Variants in ASXL3 observed in about 807,000 individuals in gnomAD.
ASXL3 encodes putative Polycomb group protein ASXL3.
Under a neutral mutation model 170.6 loss-of-function variants are expected in ASXL3, and 34 were observed. The ratio of observed to expected loss-of-function variants is 0.20; its 90% CI spans 0.15 to 0.27. The LOEUF is 0.27. ASXL3 is among the 10% of genes least tolerant of loss of function. The pLI is 1.00. For missense variants in ASXL3, 2,592 were observed against 2,695.3 expected (o/e 0.96, Z 0.85); for synonymous variants, 1,002 against 989.1 (o/e 1.01, Z -0.24).
intron 8 of ASXL3, among the ~76,000 whole-genome samples, chr18:33,724,072 C>T (rs992086017): frequency 2.0e-5 from 3 of 152,048 alleles, no homozygotes; most frequent in African/African-American, 4.8e-5. Context: ...GAAACCAAAA[C>T]GTTTATGTGA....
At chr18:33,620,847 T>C (rs535642676) in intron 2 of ASXL3, among the ~76,000 whole-genome samples, 1 of 152,280 alleles carries the variant, frequency 6.6e-6, no homozygotes, top group Admixed American at 6.5e-5. Context: ...CAACAATTTC[T>C]AGTCTTTATT....
chr18:33,621,886 C>T (rs2065520309), intron 2 of ASXL3, among the ~76,000 whole-genome samples: 2 of 152,118 alleles, frequency 1.3e-5, no homozygotes, highest in Admixed American at 6.6e-5. Context: ...CTTAACAACC[C>T]ACTCTGTTTC....
Position 33,731,986 on chromosome 18 carries a change from T to G in ASXL3, c.898T>G (p.Leu300Val). Reference protein sequence around the residue: ...VDRQMGSDGILRLSTSALNNE... With the variant: ...VDRQMGSDGIVRLSTSALNNE... ...TTCCTAGATGGGAAGTGATGGAATT[T>G]TACGCCTCAGTACTTCAGCTCTAAA... Residue 300 changes from leucine (L) to valine (V), a missense_variant, in exon 9 of 12, where the codon TTA becomes GTA. Leu to Val is a conservative substitution (Grantham distance 32). Around this residue, in one of 4 missense-constraint regions of ASXL3, gnomAD observed 73 missense variants for 142.7 expected, o/e 0.51. Coordinates refer to ENST00000269197, the MANE Select transcript of ASXL3 (RefSeq NM_030632.3). 6.2e-7 allele frequency: 1 copy of G among 1,612,362 alleles called. No individual in the cohort carries two copies. The highest frequency in any genetic ancestry group is 8.5e-7 in the Non-Finnish European group (1 of 1,179,352).
intron 5 of ASXL3, among the ~76,000 whole-genome samples, chr18:33,668,468 G>C (rs1207894164): frequency 6.6e-6 from 1 of 151,094 alleles, no homozygotes; most frequent in Non-Finnish European, 1.5e-5. Flanking sequence ...TTTTTATATA[G>C]TAGGCATTTA....
intron 7 of ASXL3, among the ~76,000 whole-genome samples, chr18:33,682,396 G>C (rs1397067975): frequency 6.6e-6 from 1 of 152,162 alleles, no homozygotes; most frequent in Non-Finnish European, 1.5e-5. Flanking sequence ...TGATGCATCA[G>C]TTGACTGTCC....
At chr18:33,742,753 A>G (rs933343604) in intron 11 of ASXL3, 135 bp from the exon 12 acceptor site, 16 of 1,287,476 alleles carry the variant, frequency 1.2e-5, no homozygotes, top group South Asian at 6.0e-5. Flanking sequence ...GGGTGCATCC[A>G]GGGATTTAGG....
At chr18:33,724,449 T>A (rs1247834895) in intron 8 of ASXL3, among the ~76,000 whole-genome samples, 1 of 152,106 alleles carries the variant, frequency 6.6e-6, no homozygotes, top group Non-Finnish European at 1.5e-5. Flanking sequence ...TAAAGAGGAA[T>A]ATAGTCTCTA....
At chr18:33,588,604 C>T (rs1186343480) in intron 1 of ASXL3, among the ~76,000 whole-genome samples, 2 of 152,034 alleles carry the variant, frequency 1.3e-5, no homozygotes, top group South Asian at 2.1e-4. Flanking sequence ...TGAATAGTCT[C>T]GTAATTTGCT....
At chr18:33,591,982 A>G (rs187244754) in intron 1 of ASXL3, among the ~76,000 whole-genome samples, 110 of 152,312 alleles carry the variant, frequency 7.2e-4, no homozygotes, top group Non-Finnish European at 2.6e-4. Context: ...ATAGTAGGAA[A>G]TGAACTCATG....
chr18:33,717,472 A>C (rs1363524022), intron 8 of ASXL3, among the ~76,000 whole-genome samples: 1 of 152,144 alleles, frequency 6.6e-6, no homozygotes, highest in Non-Finnish European at 1.5e-5. Flanking sequence ...AGTTCATATA[A>C]CAGCATTGCA....
At chr18:33,740,702 C>T (rs2067648047) in intron 11 of ASXL3, among the ~76,000 whole-genome samples, 1 of 152,086 alleles carries the variant, frequency 6.6e-6, no homozygotes, top group Non-Finnish European at 1.5e-5. Context: ...GTCTCCAGGC[C>T]ACTGAGACAC....
chr18:33,691,979 G>T (rs1051121630), intron 8 of ASXL3, among the ~76,000 whole-genome samples: 14 of 152,314 alleles, frequency 9.2e-5, no homozygotes, highest in African/African-American at 3.1e-4. Context: ...CTGAGGGTCA[G>T]GGAGGAAAAA....
intron 2 of ASXL3, among the ~76,000 whole-genome samples, chr18:33,608,427 A>G (rs1211072616): frequency 1.6e-4 from 25 of 151,926 alleles, no homozygotes; most frequent in Admixed American, 1.5e-3. Flanking sequence ...AATATTTTCA[A>G]GGTTTTCTCA....
intron 2 of ASXL3, among the ~76,000 whole-genome samples, chr18:33,644,546 A>AAAT (rs1599437061): frequency 8.0e-5 from 12 of 150,788 alleles, no homozygotes; most frequent in Admixed American, 3.3e-4. Flanking sequence ...CTAAGGCTTC[A>AAAT]TGGTGTTATT....
At chr18:33,589,593 G>T (rs891222532) in intron 1 of ASXL3, among the ~76,000 whole-genome samples, 2 of 152,116 alleles carry the variant, frequency 1.3e-5, no homozygotes, top group Admixed American at 6.6e-5. Context: ...GATAACTATT[G>T]TCTAGTACAT....
Position 33,746,639 on chromosome 18 carries a change from C to A in ASXL3, c.*44C>A. The A allele has an allele frequency of 6.6e-7, 1 of 1,513,094 alleles. No homozygotes were observed. Among genetic ancestry groups the A allele is most frequent in the South Asian group, 1.3e-5 (1 of 75,372 alleles). 93.7% of individuals were successfully genotyped at this position (1,513,094 alleles called of 1,614,324 possible). The stretch of plus-strand genomic sequence containing the variant: ...AGTATCCCTTTTCCACACGGAAAAG[C>A]CAAATAGCATCAGCAACAACAAATA... On this transcript the variant is annotated 3_prime_UTR_variant, in exon 12 of 12. Transcript: ENST00000269197.
chr18:33,637,647 C>T (rs2065788457), intron 2 of ASXL3, among the ~76,000 whole-genome samples: 1 of 151,978 alleles, frequency 6.6e-6, no homozygotes, highest in African/African-American at 2.4e-5. Context: ...TTGTAAGATA[C>T]AGTTTTTGAC....
intron 1 of ASXL3, among the ~76,000 whole-genome samples, chr18:33,606,422 A>G (rs2065249362): frequency 6.6e-6 from 1 of 151,954 alleles, no homozygotes; most frequent in Admixed American, 6.6e-5. Flanking sequence ...AAGTGTCTGA[A>G]AGGTTAGGAT....
At chr18:33,682,010 CT>C (rs1371482074) in intron 7 of ASXL3, among the ~76,000 whole-genome samples, 1 of 151,940 alleles carries the variant, frequency 6.6e-6, no homozygotes, top group Non-Finnish European at 1.5e-5. Context: ...TTTGACTGTT[CT>C]TTTATCATGG....
Sources: allele counts gnomAD v4.1 joint callset (sites outside exome capture counted in the v4.1 genomes callset), GRCh38; gene constraint gnomAD v4.1.1; regional missense constraint gnomAD v4.1.1; transcripts MANE v1.5; gene names NCBI Gene and HGNC (gene_info 2026-07-23, HGNC 2026-07-21).